The following PFKL variants were observed in gnomAD, a reference collection of about 807,000 sequenced individuals.
The protein encoded by PFKL is phosphofructokinase, liver type, also known as ATP-dependent 6-phosphofructokinase, liver type.
PFKL carries 74 observed loss-of-function variants against 92.1 expected under a neutral mutation model. The observed-to-expected ratio is 0.80, with a 90% CI of 0.67 to 0.97. PFKL has a LOEUF of 0.97. PFKL is among the 50% of genes least tolerant of loss of function. The pLI, the probability that PFKL is intolerant of heterozygous loss-of-function variation, is 0.00. For missense variants in PFKL, 1,028 were observed against 1,116.6 expected (o/e 0.92, Z 1.13); for synonymous variants, 494 against 456.4 (o/e 1.08, Z -1.05).
chr21:44,322,765 C>G (rs1207592052), intron 14 of PFKL, among the ~76,000 whole-genome samples, 197 bp from the exon 15 acceptor site: 1 of 152,220 alleles, frequency 6.6e-6, no homozygotes, highest in African/African-American at 2.4e-5. Context: ...CCTGGTGATG[C>G]TGAGTGGTGC....
chr21:44,324,728 C>A, intron 17 of PFKL, 73 bp downstream of exon 17: 1 of 1,559,212 alleles, frequency 6.4e-7, no homozygotes, highest in Non-Finnish European at 8.7e-7. Flanking sequence ...CTCAGGCCGG[C>A]CAGCGCAGGG....
chr21:44,318,930 G>A (rs979470255), intron 10 of PFKL, among the ~76,000 whole-genome samples: 99 of 152,272 alleles, frequency 6.5e-4, no homozygotes, highest in African/African-American at 2.3e-3. Flanking sequence ...CCAGTGATCA[G>A]AGCAGAGCCC....
intron 11 of PFKL, chr21:44,319,636 A>G: frequency 1.7e-6 from 1 of 591,572 alleles, no homozygotes; most frequent in Non-Finnish European, 3.0e-6. Flanking sequence ...GGCCCAGTGC[A>G]CAGGGATCTG....
chr21:44,326,369 G>T (rs911436484), intron 21 of PFKL, 105 bp downstream of exon 21: 8 of 856,678 alleles, frequency 9.3e-6, no homozygotes, highest in Non-Finnish European at 1.5e-5. Context: ...CCCTGACCCC[G>T]CAAGGCCTCC....
At position 44,303,441 on chromosome 21, in the gene PFKL, A is replaced by AAAAAAAAAAAAAAAACTTGATCG. The variant is rs1555874972; in HGVS notation, c.86-3226_86-3225insACTTGATCGAAAAAAAAAAAAAA. On this transcript the variant is annotated intron_variant, in intron 1 of 21. Coordinates refer to ENST00000349048, the MANE Select transcript of PFKL (RefSeq NM_002626.6). ...AAAAAAACAGACTTGACCAAAAAAA[A>AAAAAAAAAAAAAAAACTTGATCG]AAAAAAAAAAAAAATGGCCCGGCCT... Among the ~76,000 whole-genome samples the AAAAAAAAAAAAAAAACTTGATCG allele has an allele frequency of 5.1e-5, 5 of 97,096 alleles. 1 individual carries two copies. The highest frequency in any genetic ancestry group is 2.6e-4 in the African/African-American group (5 of 18,932). 63.7% of individuals were successfully genotyped at this position (97,096 alleles called of 152,430 possible).
At chr21:44,319,052 C>T (rs1046768265) in intron 10 of PFKL, among the ~76,000 whole-genome samples, 1 of 152,022 alleles carries the variant, frequency 6.6e-6, no homozygotes, top group Non-Finnish European at 1.5e-5. Context: ...GGGGCTGGTC[C>T]AGCCCTGGCT....
Position 44,310,699 on chromosome 21 carries a change from G to C in PFKL, c.160-307G>C, listed in dbSNP as rs188374543. 3.3e-3 allele frequency among the ~76,000 whole-genome samples: 509 copies of C among 152,254 alleles called. 19 individuals are homozygous for C. The highest frequency in any genetic ancestry group is 0.032 in the Admixed American group (492 of 15,308). On this transcript the variant is annotated intron_variant, in intron 2 of 21. Coordinates refer to ENST00000349048, the MANE Select transcript of PFKL (RefSeq NM_002626.6). ...GATGGCGGGCTCCGCTGGGGCCTTCGGGACGCTGAACTTGCCTGTGTGGAT... is the reference window on the plus strand; with the variant it reads ...GATGGCGGGCTCCGCTGGGGCCTTCCGGACGCTGAACTTGCCTGTGTGGAT...
At chr21:44,314,230 A>C (rs938990581) in intron 7 of PFKL, 1 of 575,252 alleles carries the variant, frequency 1.7e-6, no homozygotes, top group East Asian at 2.9e-5. Context: ...CCCAGTGGGC[A>C]GGAGGCGGAG....
At chr21:44,320,430 T>C in intron 12 of PFKL, 1 of 322,210 alleles carries the variant, frequency 3.1e-6, no homozygotes, top group Non-Finnish European at 5.8e-6. Context: ...GGAGAAGCCA[T>C]TGTGTAGAAA....
intron 12 of PFKL, 27 bp from the exon 13 acceptor site, chr21:44,321,702 C>T: frequency 6.6e-7 from 1 of 1,521,462 alleles, no homozygotes; most frequent in Non-Finnish European, 8.8e-7. Flanking sequence ...GGCTGTGCCT[C>T]ACGCTCATCT....
intron 19 of PFKL, 50 bp downstream of exon 19, chr21:44,325,314 C>A: frequency 7.9e-7 from 1 of 1,269,372 alleles, no homozygotes; most frequent in Non-Finnish European, 1.1e-6. Flanking sequence ...TTTCCTGCCA[C>A]CATCTGTCCC....
chr21:44,312,354 C>A (rs537711899), intron 4 of PFKL, 60 bp downstream of exon 4: 5 of 1,436,082 alleles, frequency 3.5e-6, no homozygotes, highest in South Asian at 1.3e-5. Flanking sequence ...TGCTGCCAGG[C>A]GTGGGAATGG....
intron 1 of PFKL, among the ~76,000 whole-genome samples, chr21:44,303,900 G>T (rs574313206): frequency 1.3e-5 from 2 of 152,234 alleles, no homozygotes; most frequent in South Asian, 4.2e-4. Context: ...TGCGGTGTCG[G>T]CGACTGCTGC....
intron 18 of PFKL, 43 bp from the exon 19 acceptor site, chr21:44,325,110 C>T: frequency 7.0e-7 from 1 of 1,422,370 alleles, no homozygotes; most frequent in African/African-American, 1.4e-5. Flanking sequence ...GGGGGGAGAC[C>T]TGAACTCGTT....
At chr21:44,318,872 G>A (rs1291397115) in intron 10 of PFKL, among the ~76,000 whole-genome samples, 2 of 152,220 alleles carry the variant, frequency 1.3e-5, no homozygotes, top group Non-Finnish European at 2.9e-5. Flanking sequence ...CTGAGCTTCT[G>A]TAGGCAGTGG....
intron 2 of PFKL, among the ~76,000 whole-genome samples, chr21:44,309,437 C>G (rs2041051052): frequency 6.6e-6 from 1 of 152,050 alleles, no homozygotes; most frequent in Non-Finnish European, 1.5e-5. Flanking sequence ...CCTAGGAGGA[C>G]AGAGACGGAA....
At chr21:44,320,041 G>C (rs2047318419) in intron 11 of PFKL, 43 bp from the exon 12 acceptor site, 1 of 1,569,976 alleles carries the variant, frequency 6.4e-7, no homozygotes, top group Non-Finnish European at 8.8e-7. Context: ...TGTACGCCGT[G>C]GCGCTGCAGG....
chr21:44,300,892 C>T (rs1282519707), intron 1 of PFKL, among the ~76,000 whole-genome samples: 1 of 152,226 alleles, frequency 6.6e-6, no homozygotes, highest in African/African-American at 2.4e-5. Context: ...TGCCCACTGC[C>T]GGCCTCCAGT....
intron 20 of PFKL, 36 bp downstream of exon 20, chr21:44,326,096 C>T (rs1415414676): frequency 1.2e-6 from 2 of 1,607,940 alleles, no homozygotes; most frequent in South Asian, 1.1e-5. Context: ...CTCACTTTGC[C>T]CTCCCCTGGC....
Sources: allele counts gnomAD v4.1 joint callset (sites outside exome capture counted in the v4.1 genomes callset), GRCh38; gene constraint gnomAD v4.1.1; transcripts MANE v1.5; gene names NCBI Gene and HGNC (gene_info 2026-07-23, HGNC 2026-07-21).